The following SOD2 variants were observed in gnomAD, a reference collection of about 807,000 sequenced individuals.
SOD2 encodes the protein superoxide dismutase [Mn], mitochondrial.
A neutral mutation model predicts 27.0 loss-of-function variants in SOD2; 11 were observed. The observed-to-expected ratio is 0.41, with a 90% CI of 0.26 to 0.67. The LOEUF is 0.67. Among genes scored for constraint, SOD2 ranks in the 30% least tolerant of loss-of-function variants. The pLI, the probability that SOD2 is intolerant of heterozygous loss-of-function variation, is 0.34. For missense variants in SOD2, 250 were observed against 274.5 expected (o/e 0.91, Z 0.63); for synonymous variants, 105 against 103.0 (o/e 1.02, Z -0.12).
intron 1 of SOD2, among the ~76,000 whole-genome samples, chr6:159,751,489 A>C (rs1250698322): frequency 3.3e-5 from 5 of 152,220 alleles, no homozygotes; most frequent in Admixed American, 1.3e-4. Flanking sequence ...AATCTTGCAT[A>C]TCTCTCATTT....
chr6:159,699,852 CAGG>C (rs1777493818), intron 1 of SOD2, among the ~76,000 whole-genome samples: 1 of 152,170 alleles, frequency 6.6e-6, no homozygotes, highest in Non-Finnish European at 1.5e-5. Context: ...AATAGGTACA[CAGG>C]AGGAGTGGCC....
rs200420294 is a variant in SOD2 at position 159,762,149 on chromosome 6, G to A, written c.-1448C>T. ...GCGGCGCGGACCATCATAGGTGAGT[G>A]GCCGGCGGGAGCCGCGCAGAGTCCG... is the stretch of plus-strand genomic sequence containing the variant. On this transcript the variant is annotated 5_prime_UTR_variant, in exon 1 of 8. Transcript: ENST00000546087. 53 of 1,609,860 alleles carry A rather than the reference G, an allele frequency of 3.3e-5. No homozygotes were observed. In the East Asian group the frequency reaches 1.2e-3, roughly 35 times the overall value.
intron 1 of SOD2, among the ~76,000 whole-genome samples, chr6:159,741,014 A>G (rs193238905): frequency 6.6e-6 from 1 of 152,276 alleles, no homozygotes; most frequent in African/African-American, 2.4e-5. Context: ...TTGTAATATT[A>G]ATAACTCATG....
At chr6:159,691,070 A>G (rs1777171025) in intron 2 of SOD2, 1 of 152,214 alleles carries the variant, frequency 6.6e-6, no homozygotes, top group Admixed American at 6.5e-5. Flanking sequence ...GTACTCAATC[A>G]CTTATAAACA....
chr6:159,759,175 T>G (rs1450570092), intron 1 of SOD2, among the ~76,000 whole-genome samples: 1 of 150,932 alleles, frequency 6.6e-6, no homozygotes, highest in Non-Finnish European at 1.5e-5. Context: ...TTCTCCTGCC[T>G]CAGCCTCCCT....
chr6:159,699,544 C>A (rs1202913338), intron 1 of SOD2, among the ~76,000 whole-genome samples: 4 of 151,860 alleles, frequency 2.6e-5, no homozygotes, highest in Non-Finnish European at 5.9e-5. Flanking sequence ...ACCTCTTCCC[C>A]ATTACTACTC....
intron 1 of SOD2, chr6:159,741,884 G>A (rs973374722): frequency 1.9e-5 from 8 of 429,212 alleles, no homozygotes; most frequent in East Asian, 9.8e-5. Flanking sequence ...CAGGGACATC[G>A]CTTGAGCCCA....
Position 159,700,003 on chromosome 6 carries a change from G to A in SOD2, c.-115-7140C>T, listed in dbSNP as rs186115599. Among the ~76,000 whole-genome samples, 327 of 152,220 alleles carry A rather than the reference G, an allele frequency of 2.1e-3. 1 individual carries two copies. The highest frequency in any genetic ancestry group is 2.9e-3 in the Non-Finnish European group (198 of 68,016). ...TCTTGGCCTGCATCACCCTCCTCTC[G>A]TGCCAGCTTACATCTGCATTTACCC... On this transcript the variant is annotated intron_variant, in intron 1 of 2. Coordinates refer to the SOD2 transcript ENST00000401980.
At chr6:159,760,774 G>A (rs1015160270) in intron 1 of SOD2, 2 of 152,260 alleles carry the variant, frequency 1.3e-5, no homozygotes, top group African/African-American at 4.8e-5. Flanking sequence ...ACTCAGAAGT[G>A]GCCAGGGAGT....
chr6:159,714,042 T>G (rs895725569), intron 1 of SOD2: 1 of 649,216 alleles, frequency 1.5e-6, no homozygotes, highest in African/African-American at 1.8e-5. Flanking sequence ...TTTGGTGTAG[T>G]GGGCAATTAT....
upstream of SOD2, among the ~76,000 whole-genome samples, chr6:159,730,248 G>A (rs1440682972): frequency 6.6e-6 from 1 of 152,152 alleles, no homozygotes; most frequent in Non-Finnish European, 1.5e-5. Context: ...GTTATTAAAT[G>A]TGTGATTCAT....
chr6:159,751,888 C>T (rs965956362), intron 1 of SOD2, among the ~76,000 whole-genome samples: 1 of 151,940 alleles, frequency 6.6e-6, no homozygotes, highest in African/African-American at 2.4e-5. Flanking sequence ...AAGGCGAAAC[C>T]CCATCTCTAC....
chr6:159,758,636 T>A (rs1244026604), intron 1 of SOD2, among the ~76,000 whole-genome samples: 1 of 152,204 alleles, frequency 6.6e-6, no homozygotes, highest in Non-Finnish European at 1.5e-5. Context: ...TCCCAGGTAA[T>A]GTCATTAACT....
chr6:159,732,455 C>T (rs988029050), intron 1 of SOD2, among the ~76,000 whole-genome samples: 4 of 152,102 alleles, frequency 2.6e-5, no homozygotes, highest in Non-Finnish European at 4.4e-5. Flanking sequence ...ATTTTATGTT[C>T]GTATATACAT....
At chr6:159,757,557 C>G (rs2025188) in intron 1 of SOD2, among the ~76,000 whole-genome samples, 3 of 151,814 alleles carry the variant, frequency 2.0e-5, no homozygotes, top group African/African-American at 4.8e-5. Context: ...GGATTACAGG[C>G]GTGCGCCACC....
upstream of SOD2, among the ~76,000 whole-genome samples, chr6:159,728,835 C>T (rs1398427166): frequency 1.3e-5 from 2 of 152,152 alleles, no homozygotes; most frequent in African/African-American, 2.4e-5. Flanking sequence ...GTTAAGGTAT[C>T]TTAAGCAGAC....
intron 1 of SOD2, among the ~76,000 whole-genome samples, chr6:159,723,723 T>C (rs554040094): frequency 6.6e-6 from 1 of 152,034 alleles, no homozygotes; most frequent in Admixed American, 6.6e-5. Flanking sequence ...CTAGTGCTTC[T>C]AGGCCCTTTC....
chr6:159,761,584 C>T (rs1470739938), exon 1 of SOD2: 6 of 455,842 alleles, frequency 1.3e-5, no homozygotes, highest in Non-Finnish European at 2.6e-5. Flanking sequence ...CTGAGACCCG[C>T]CGCGGGCCGG....
At chr6:159,712,743 GACC>G (rs1162714169) in intron 1 of SOD2, 2 of 459,492 alleles carry the variant, frequency 4.4e-6, no homozygotes, top group African/African-American at 4.1e-5. Context: ...ACACTACTCA[GACC>G]ACCATAACCA....
Sources: gnomAD v4.1 joint callset for allele counts (sites outside exome capture counted in the v4.1 genomes callset) on GRCh38, gnomAD v4.1.1 for gene constraint, MANE v1.5 for transcripts, NCBI Gene and HGNC (gene_info 2026-07-23, HGNC 2026-07-21) for gene names.